Variants in BMP6 observed in about 807,000 individuals in gnomAD.
The protein encoded by BMP6 is bone morphogenetic protein 6, also known as VG-1-R.
Under a neutral mutation model 54.1 loss-of-function variants are expected in BMP6, and 17 were observed. That is an observed-to-expected ratio of 0.31 (90% CI 0.22 to 0.47). BMP6 has a LOEUF of 0.47. Among genes scored for constraint, BMP6 ranks in the 20% least tolerant of loss-of-function variants. BMP6 has a pLI of 1.00. For synonymous variants in BMP6, 328 were observed against 291.2 expected (o/e 1.13, Z -1.28); for missense variants, 720 against 690.4 (o/e 1.04, Z -0.48).
intron 1 of BMP6, among the ~76,000 whole-genome samples, chr6:7,754,086 G>A (rs749539262): frequency 3.9e-5 from 6 of 152,216 alleles, no homozygotes; most frequent in Non-Finnish European, 8.8e-5. Context: ...GTTAGGTCAA[G>A]TTAGTTGATA....
rs1759711219 is a variant in BMP6 at position 7,880,924 on chromosome 6, TTTG to T, written c.*585_*587del. 6.5e-6 allele frequency: 1 copy of T among 154,876 alleles called. No homozygotes were observed. Among genetic ancestry groups the T allele is most frequent in the African/African-American group, 2.4e-5 (1 of 41,456 alleles). 9.6% of individuals were successfully genotyped at this position (154,876 alleles called of 1,614,324 possible). ...TGCTGTTGTATGTTCGTGCTGGAGT[TTTG>T]TTGGTGTGAAAATACACTTATTTCA... On this transcript the variant is annotated 3_prime_UTR_variant, in exon 7 of 7. Coordinates refer to ENST00000283147, the MANE Select transcript of BMP6 (RefSeq NM_001718.6).
intron 2 of BMP6, among the ~76,000 whole-genome samples, chr6:7,849,776 G>A (rs558163829): frequency 5.3e-5 from 8 of 152,306 alleles, no homozygotes; most frequent in African/African-American, 1.4e-4. Context: ...ATGAAGATCG[G>A]CCACACTTGT....
At position 7,878,040 on chromosome 6, in the gene BMP6, C is replaced by T. The variant is rs185737754; in HGVS notation, c.1205-1034C>T. ...TTCATTTCTCCAGCTTTATCTCATC[C>T]GACCCTGCTTGACACATCCTTAAAT... is the stretch of plus-strand genomic sequence containing the variant. On this transcript the variant is annotated intron_variant, in intron 4 of 6. Coordinates refer to ENST00000283147, the MANE Select transcript of BMP6 (RefSeq NM_001718.6). Among the ~76,000 whole-genome samples, 206 of 152,154 alleles carry T rather than the reference C, an allele frequency of 1.4e-3. 1 individual carries two copies. Among genetic ancestry groups the T allele is most frequent in the Middle Eastern group, 6.8e-3 (2 of 294 alleles).
chr6:7,732,313 T>C (rs1220248326), intron 1 of BMP6, among the ~76,000 whole-genome samples: 5 of 152,192 alleles, frequency 3.3e-5, no homozygotes, highest in East Asian at 1.9e-4. Flanking sequence ...AATTTGAAAT[T>C]CAGTGGCATT....
chr6:7,865,329 A>G (rs1759402252), intron 4 of BMP6, among the ~76,000 whole-genome samples: 1 of 152,082 alleles, frequency 6.6e-6, no homozygotes. Flanking sequence ...TTTCAGTAGT[A>G]CAAAGGCAAA....
intron 1 of BMP6, among the ~76,000 whole-genome samples, chr6:7,809,689 G>A (rs952186455): frequency 1.3e-5 from 2 of 152,188 alleles, no homozygotes; most frequent in Non-Finnish European, 2.9e-5. Flanking sequence ...AGGCGAACAT[G>A]GTTATTACTG....
intron 1 of BMP6, among the ~76,000 whole-genome samples, chr6:7,754,911 G>A (rs2113133460): frequency 6.6e-6 from 1 of 152,112 alleles, no homozygotes; most frequent in South Asian, 2.1e-4. Context: ...GTAGAGACCG[G>A]GTTTCACCGT....
At chr6:7,813,926 T>C (rs1292111969) in intron 1 of BMP6, among the ~76,000 whole-genome samples, 3 of 152,180 alleles carry the variant, frequency 2.0e-5, no homozygotes, top group East Asian at 3.8e-4. Context: ...GGTGGCCAGC[T>C]TGGGGACATC....
chr6:7,830,403 T>C (rs1758776100), intron 1 of BMP6, among the ~76,000 whole-genome samples: 1 of 152,182 alleles, frequency 6.6e-6, no homozygotes, highest in Non-Finnish European at 1.5e-5. Flanking sequence ...TATTCACTGA[T>C]TTCCCCAGCC....
intron 4 of BMP6, among the ~76,000 whole-genome samples, chr6:7,877,638 AAATT>A (rs1759642615): frequency 6.6e-6 from 1 of 152,182 alleles, no homozygotes; most frequent in Admixed American, 6.5e-5. Flanking sequence ...AAAAAAAAAA[AAATT>A]AATGAAATCT....
intron 1 of BMP6, among the ~76,000 whole-genome samples, chr6:7,843,934 G>A (rs1464876794): frequency 6.6e-6 from 1 of 152,070 alleles, no homozygotes; most frequent in Non-Finnish European, 1.5e-5. Context: ...TGTATTTAAG[G>A]GGTACAACGT....
At chr6:7,753,164 A>G (rs901926458) in intron 1 of BMP6, among the ~76,000 whole-genome samples, 2 of 152,242 alleles carry the variant, frequency 1.3e-5, no homozygotes, top group African/African-American at 4.8e-5. Context: ...CCTGACCTCA[A>G]TCAAGCACCT....
intron 1 of BMP6, among the ~76,000 whole-genome samples, chr6:7,812,837 T>C (rs1758454826): frequency 6.6e-6 from 1 of 151,574 alleles, no homozygotes; most frequent in Non-Finnish European, 1.5e-5. Context: ...CTCACCCACA[T>C]GATTGACATG....
At chr6:7,814,890 CA>C (rs1758503424) in intron 1 of BMP6, among the ~76,000 whole-genome samples, 1 of 152,056 alleles carries the variant, frequency 6.6e-6, no homozygotes, top group African/African-American at 2.4e-5. Context: ...ACCTAGGTGA[CA>C]GGTTGGTAGG....
At position 7,753,923 on chromosome 6, in the gene BMP6, C is replaced by T. The variant is rs530162833; in HGVS notation, c.664+26304C>T. ...GATTTACTGATTTCTAGTTTAATTCCGTTGTAATGAGAGAACACTGTATGA... is the reference window on the plus strand; with the variant it reads ...GATTTACTGATTTCTAGTTTAATTCTGTTGTAATGAGAGAACACTGTATGA... On this transcript the variant is annotated intron_variant, in intron 1 of 6. Coordinates refer to ENST00000283147, the MANE Select transcript of BMP6 (RefSeq NM_001718.6). Among the ~76,000 whole-genome samples the T allele has an allele frequency of 7.9e-5, 12 of 151,846 alleles. No homozygotes were observed. The East Asian group carries it at 2.3e-3, about 29-fold the overall frequency.
intron 1 of BMP6, among the ~76,000 whole-genome samples, chr6:7,781,017 T>A (rs1425523853): frequency 6.6e-6 from 1 of 152,184 alleles, no homozygotes; most frequent in African/African-American, 2.4e-5. Context: ...AGCTAACAAC[T>A]CTTTTTTCAA....
At chr6:7,753,975 A>G (rs270414) in intron 1 of BMP6, among the ~76,000 whole-genome samples, 33,545 of 151,974 alleles carry the variant, frequency 0.22, 4,288 homozygotes, top group Middle Eastern at 0.38. Flanking sequence ...TTTTGGTCTT[A>G]TTTTAGGGCC....
chr6:7,822,895 GGTTGTGT>G (rs1449710576), intron 1 of BMP6, among the ~76,000 whole-genome samples: 1,476 of 144,186 alleles, frequency 0.01, 32 homozygotes, highest in African/African-American at 0.037. Context: ...GATTGGTGCT[GGTTGTGT>G]GTGTGTGTGT....
intron 1 of BMP6, among the ~76,000 whole-genome samples, chr6:7,741,671 G>A (rs182844074): frequency 1.7e-3 from 257 of 152,318 alleles, no homozygotes; most frequent in African/African-American, 5.6e-3. Flanking sequence ...GGGCTCAAGC[G>A]ATCCTCCTGC....
Sources: allele counts gnomAD v4.1 joint callset (sites outside exome capture counted in the v4.1 genomes callset), GRCh38; gene constraint gnomAD v4.1.1; transcripts MANE v1.5; gene names NCBI Gene and HGNC (gene_info 2026-07-23, HGNC 2026-07-21).